The following ABLIM1 variants were observed in gnomAD, a reference collection of about 807,000 sequenced individuals.
ABLIM1 encodes actin binding LIM protein 1.
A neutral mutation model predicts 107.0 loss-of-function variants in ABLIM1; 40 were observed. That is an observed-to-expected ratio of 0.37 (90% CI 0.29 to 0.49). The LOEUF is 0.49. ABLIM1 is among the 20% of genes least tolerant of loss of function. The probability of loss-of-function intolerance (pLI) is 0.97; values close to 1 mark genes in which losing one functional copy is unlikely to be tolerated. For synonymous variants in ABLIM1, 357 were observed against 357.3 expected (o/e 1.00, Z 0.01); for missense variants, 857 against 1,008.5 (o/e 0.85, Z 2.04).
chr10:114,635,228 C>T (rs1366535430), intron 1 of ABLIM1, among the ~76,000 whole-genome samples: 1 of 152,218 alleles, frequency 6.6e-6, no homozygotes, highest in Admixed American at 6.5e-5. Context: ...CAAGGGTTGT[C>T]CACAAGTGAC....
At chr10:114,449,320 C>T (rs563886642) in intron 14 of ABLIM1, among the ~76,000 whole-genome samples, 4 of 152,266 alleles carry the variant, frequency 2.6e-5, no homozygotes, top group Middle Eastern at 3.4e-3. Flanking sequence ...TTCTTCTGGG[C>T]TTACATATTT....
chr10:114,565,287 T>C (rs949583608), intron 4 of ABLIM1, among the ~76,000 whole-genome samples: 1 of 152,238 alleles, frequency 6.6e-6, no homozygotes, highest in Admixed American at 6.5e-5. Flanking sequence ...CCTGCCTTTG[T>C]CAGTTTTTAT....
intron 6 of ABLIM1, among the ~76,000 whole-genome samples, chr10:114,521,814 G>A (rs530023092): frequency 6.6e-6 from 1 of 152,170 alleles, no homozygotes; most frequent in East Asian, 1.9e-4. Context: ...ATACATTCTT[G>A]CAATGAGTGA....
Position 114,718,871 on chromosome 10 carries a change from T to C in ABLIM1, c.-213+49190A>G, listed in dbSNP as rs1196547674. On this transcript the variant is annotated intron_variant, in intron 1 of 15. Transcript: ENST00000651092. Reference sequence around the variant, plus strand: ...TCATGTATGAAATGAATAAGATAAATATGCGTATACATGTGGGAAAAGTTA... The same window carrying C: ...TCATGTATGAAATGAATAAGATAAACATGCGTATACATGTGGGAAAAGTTA... 3.9e-5 allele frequency among the ~76,000 whole-genome samples: 6 copies of C among 152,248 alleles called. No individual in the cohort carries two copies. In the South Asian group the frequency reaches 1.2e-3, roughly 32 times the overall value.
intron 1 of ABLIM1, among the ~76,000 whole-genome samples, chr10:114,701,841 T>C (rs2141848577): frequency 6.6e-6 from 1 of 152,318 alleles, no homozygotes; most frequent in South Asian, 2.1e-4. Flanking sequence ...GGTGTATCTA[T>C]CTGTAAAACT....
intron 1 of ABLIM1, among the ~76,000 whole-genome samples, chr10:114,678,951 C>T (rs769103488): frequency 2.6e-5 from 4 of 152,156 alleles, no homozygotes; most frequent in Non-Finnish European, 5.9e-5. Flanking sequence ...ATATCATTGG[C>T]TGAATTTATC....
chr10:114,710,258 T>C (rs2081519711), intron 1 of ABLIM1, among the ~76,000 whole-genome samples: 2 of 152,318 alleles, frequency 1.3e-5, no homozygotes, highest in South Asian at 2.1e-4. Context: ...ATTGTATTAA[T>C]CTGTTCTCAC....
At chr10:114,446,682 C>T (rs578181188) in intron 15 of ABLIM1, among the ~76,000 whole-genome samples, 37 of 152,280 alleles carry the variant, frequency 2.4e-4, no homozygotes, top group African/African-American at 8.9e-4. Context: ...TTAATTCTCC[C>T]TCTTTCCAAA....
At chr10:114,436,425 A>G (rs1337057227) in intron 22 of ABLIM1, 52 bp from the exon 23 acceptor site, 2 of 1,382,202 alleles carry the variant, frequency 1.4e-6, no homozygotes, top group Non-Finnish European at 2.0e-6. Flanking sequence ...ATGGCCACAC[A>G]AATGGCCTTG....
intron 1 of ABLIM1, among the ~76,000 whole-genome samples, chr10:114,739,236 T>C (rs2082241461): frequency 1.3e-5 from 2 of 152,218 alleles, no homozygotes; most frequent in South Asian, 2.1e-4. Context: ...AATTATAACA[T>C]GAAAATGTAA....
intron 12 of ABLIM1, among the ~76,000 whole-genome samples, chr10:114,460,399 G>A (rs1187481962): frequency 1.3e-5 from 2 of 152,188 alleles, no homozygotes; most frequent in East Asian, 3.9e-4. Flanking sequence ...TCAAGAGTTC[G>A]AGACCAGCCT....
chr10:114,538,817 G>C (rs2066319720), intron 6 of ABLIM1, among the ~76,000 whole-genome samples: 1 of 152,216 alleles, frequency 6.6e-6, no homozygotes, highest in South Asian at 2.1e-4. Context: ...TGTCCTGAGT[G>C]AACCAGTGCA....
chr10:114,642,305 GC>G (rs1349506816), intron 1 of ABLIM1, among the ~76,000 whole-genome samples: 1 of 152,134 alleles, frequency 6.6e-6, no homozygotes, highest in African/African-American at 2.4e-5. Context: ...GATGCAGAGT[GC>G]TGAATTACTG....
At chr10:114,801,245 C>T in the ABLIM1 span, among the ~76,000 whole-genome samples, 3 of 151,716 alleles carry the variant, frequency 2.0e-5, no homozygotes, top group African/African-American at 7.3e-5. Context: ...AAAACCCTGT[C>T]TCTATTAAAA....
chr10:114,527,473 C>T (rs1039479820), intron 6 of ABLIM1, among the ~76,000 whole-genome samples: 2 of 152,138 alleles, frequency 1.3e-5, no homozygotes, highest in Admixed American at 6.5e-5. Context: ...ATTTTATACA[C>T]ACAGCCTCAT....
chr10:114,789,171 C>T, the ABLIM1 span, among the ~76,000 whole-genome samples: 1 of 151,980 alleles, frequency 6.6e-6, no homozygotes, highest in Non-Finnish European at 1.5e-5. Context: ...AGAAGAATCG[C>T]TTGAACCTGG....
intron 4 of ABLIM1, among the ~76,000 whole-genome samples, chr10:114,569,094 G>A (rs555252900): frequency 5.3e-5 from 8 of 152,114 alleles, no homozygotes; most frequent in African/African-American, 1.9e-4. Flanking sequence ...AAAAAACCAG[G>A]AGCCAAAAGA....
chr10:114,787,438 A>G, the ABLIM1 span, among the ~76,000 whole-genome samples: 64 of 114,884 alleles, frequency 5.6e-4, no homozygotes, highest in South Asian at 1.3e-3. Flanking sequence ...CAGCCGCCCC[A>G]TCCGGGAGGT....
intron 12 of ABLIM1, among the ~76,000 whole-genome samples, chr10:114,456,067 G>C (rs2062764021): frequency 6.6e-6 from 1 of 151,860 alleles, no homozygotes; most frequent in African/African-American, 2.4e-5. Flanking sequence ...ACCCGCCTCG[G>C]CCTCCCAAAG....
Sources: gnomAD v4.1 joint callset for allele counts (sites outside exome capture counted in the v4.1 genomes callset) on GRCh38, gnomAD v4.1.1 for gene constraint, MANE v1.5 for transcripts, NCBI Gene and HGNC (gene_info 2026-07-23, HGNC 2026-07-21) for gene names.